MAP2: variants seen among roughly 807,000 people sequenced by gnomAD.
MAP2 encodes the protein microtubule associated protein 2.
MAP2 carries 14 observed loss-of-function variants against 137.6 expected under a neutral mutation model. The observed-to-expected ratio is 0.10, with a 90% confidence interval of 0.07 to 0.16. The LOEUF is 0.16. Among genes scored for constraint, MAP2 ranks in the 10% least tolerant of loss-of-function variants. The probability of loss-of-function intolerance (pLI) is 1.00; values close to 1 mark genes in which losing one functional copy is unlikely to be tolerated. For synonymous variants in MAP2, 786 were observed against 782.3 expected (o/e 1.00, Z -0.08); for missense variants, 2,088 against 2,191.5 (o/e 0.95, Z 0.94).
chr2:209,660,968 T>C (rs1319035749), intron 5 of MAP2, among the ~76,000 whole-genome samples: 1 of 149,536 alleles, frequency 6.7e-6, no homozygotes, highest in Non-Finnish European at 1.5e-5. Flanking sequence ...ATGGTCTTCA[T>C]ATCCTGACCT....
intron 5 of MAP2, among the ~76,000 whole-genome samples, chr2:209,677,910 G>A (rs2052686277): frequency 6.6e-6 from 1 of 151,826 alleles, no homozygotes; most frequent in South Asian, 2.1e-4. Context: ...CATCTTTCCA[G>A]ATTCCTTATA....
intron 1 of MAP2, among the ~76,000 whole-genome samples, chr2:209,436,176 G>A (rs1359727552): frequency 1.3e-5 from 2 of 150,804 alleles, no homozygotes; most frequent in African/African-American, 4.9e-5. Context: ...TCAGTTATAT[G>A]TGTGTATATG....
chr2:209,623,554 A>G (rs1205412113), intron 3 of MAP2, among the ~76,000 whole-genome samples: 3 of 152,196 alleles, frequency 2.0e-5, no homozygotes, highest in Non-Finnish European at 2.9e-5. Context: ...TGTTAAGTAC[A>G]CAAAGACTCT....
chr2:209,439,364 A>C (rs759273694), intron 1 of MAP2, among the ~76,000 whole-genome samples: 1 of 151,594 alleles, frequency 6.6e-6, no homozygotes. Flanking sequence ...TGTGTGTATA[A>C]ATGTGTACAT....
rs373437076 is a variant in MAP2, at chr2:209,492,747, C to T, written c.-221-14845C>T. Among the ~76,000 whole-genome samples, 7 of 152,150 alleles carry T rather than the reference C, an allele frequency of 4.6e-5. 1 individual carries two copies. In the South Asian group the frequency reaches 8.3e-4, roughly 18 times the overall value. ...AAGCTTACAAGGATGTGAAGGACCTCTTCAAGGAGAACTACAAACCACTGC... is the reference window on the plus strand; with the variant it reads ...AAGCTTACAAGGATGTGAAGGACCTTTTCAAGGAGAACTACAAACCACTGC... On this transcript the variant is annotated intron_variant, in intron 1 of 15. Transcript: ENST00000682079.
At chr2:209,513,829 A>G (rs965780758) in intron 2 of MAP2, among the ~76,000 whole-genome samples, 1 of 152,094 alleles carries the variant, frequency 6.6e-6, no homozygotes, top group African/African-American at 2.4e-5. Context: ...GAGGAGGGAT[A>G]GCAAGTTTGT....
At chr2:209,647,438 A>G (rs890233083) in intron 4 of MAP2, among the ~76,000 whole-genome samples, 3 of 152,224 alleles carry the variant, frequency 2.0e-5, no homozygotes, top group East Asian at 1.9e-4. Flanking sequence ...AGAATGTTAC[A>G]TGTGTTAAAA....
intron 1 of MAP2, among the ~76,000 whole-genome samples, chr2:209,492,022 T>G (rs908194805): frequency 2.0e-5 from 3 of 152,202 alleles, no homozygotes; most frequent in Admixed American, 2.0e-4. Flanking sequence ...ATATCCCTGA[T>G]GAACATCAAT....
chr2:209,546,194 G>T (rs1260550166), intron 2 of MAP2, among the ~76,000 whole-genome samples: 3 of 152,096 alleles, frequency 2.0e-5, no homozygotes, highest in Non-Finnish European at 4.4e-5. Flanking sequence ...GCAACTTTTT[G>T]TAATTTATGG....
At chr2:209,620,119 A>G (rs1267275778) in intron 3 of MAP2, among the ~76,000 whole-genome samples, 1 of 152,146 alleles carries the variant, frequency 6.6e-6, no homozygotes, top group East Asian at 1.9e-4. Flanking sequence ...AACAGGTTAT[A>G]ACCTTTATTG....
At chr2:209,478,911 TC>T in intron 1 of MAP2, among the ~76,000 whole-genome samples, 1 of 152,340 alleles carries the variant, frequency 6.6e-6, no homozygotes, top group East Asian at 1.9e-4. Flanking sequence ...TATAGATTCT[TC>T]CAGGGTTTGA....
rs578076157 is a variant in MAP2, at chr2:209,461,256, A to C, written c.-222+36980A>C. Among the ~76,000 whole-genome samples, 238 of 152,328 alleles carry C rather than the reference A, an allele frequency of 1.6e-3. 3 individuals are homozygous for C. In the South Asian group the frequency reaches 0.024, roughly 16 times the overall value. Reference sequence around the variant, plus strand: ...TGAACTACATGACTACTTACATTTGAGTTAAATAAATGTAATAAAATTTGA... The same window carrying C: ...TGAACTACATGACTACTTACATTTGCGTTAAATAAATGTAATAAAATTTGA... On this transcript the variant is annotated intron_variant, in intron 1 of 15. Transcript: ENST00000682079.
intron 1 of MAP2, among the ~76,000 whole-genome samples, chr2:209,504,123 T>A (rs2150153093): frequency 2.6e-5 from 4 of 150,954 alleles, no homozygotes; most frequent in Admixed American, 2.6e-4. Context: ...AGAGAGAGAC[T>A]AAGCAAGATT....
Position 209,730,379 on chromosome 2 carries a change from C to T in MAP2, c.5466C>T (p.Leu1822=), listed in dbSNP as rs565301126. The T allele has an allele frequency of 1.4e-5, 23 of 1,613,394 alleles. No individual in the cohort carries two copies. The highest frequency in any genetic ancestry group is 8.3e-5 in the Admixed American group (5 of 59,958). Residue 1822 remains leucine (L), a synonymous_variant, in exon 16 of 16, where the codon CTC becomes CTT. Coordinates refer to ENST00000682079, the MANE Select transcript of MAP2 (RefSeq NM_001375505.1). ...ATLAEDVTAA[L]AKQGL is the part of the protein sequence containing the mutation. ...TGGCTGAGGATGTCACTGCTGCACT[C>T]GCTAAGCAGGGCTTGTGAATATTTC...
chr2:209,488,119 G>A (rs567815019), intron 1 of MAP2, among the ~76,000 whole-genome samples: 23 of 152,290 alleles, frequency 1.5e-4, no homozygotes, highest in African/African-American at 3.4e-4. Context: ...GACAGTGGGC[G>A]CAGCCCATGG....
intron 3 of MAP2, among the ~76,000 whole-genome samples, chr2:209,595,962 G>A (rs939742635): frequency 1.3e-5 from 2 of 152,156 alleles, no homozygotes; most frequent in African/African-American, 4.8e-5. Flanking sequence ...TCATGGGGTA[G>A]GAGGCAGGGG....
rs958094317 is a variant in MAP2 at position 209,732,699 on chromosome 2, A to C, written c.*2302A>C. 6.6e-6 allele frequency: 1 copy of C among 152,656 alleles called. No homozygotes were observed. Among genetic ancestry groups the C allele is most frequent in the South Asian group, 2.1e-4 (1 of 4,836 alleles). The allele number at this position is 152,656 out of a possible 1,614,324, so 9.5% of individuals were successfully genotyped here. A position where few individuals can be genotyped will look rare whatever the true frequency, so the allele number is the denominator to read the frequency against. Reference sequence around the variant, plus strand: ...TTTCTCAACATTCTTTAAAGTTTTTATATAAGTTAACACTAGGTAAACATT... The same window carrying C: ...TTTCTCAACATTCTTTAAAGTTTTTCTATAAGTTAACACTAGGTAAACATT... On this transcript the variant is annotated 3_prime_UTR_variant, in exon 16 of 16. Coordinates refer to ENST00000682079, the MANE Select transcript of MAP2 (RefSeq NM_001375505.1).
intron 1 of MAP2, among the ~76,000 whole-genome samples, chr2:209,460,521 C>CTTCCCT (rs763363938): frequency 1.3e-5 from 2 of 151,820 alleles, no homozygotes; most frequent in Non-Finnish European, 2.9e-5. Context: ...GAGAAATGAT[C>CTTCCCT]TTCCCTTTCC....
chr2:209,599,080 C>G (rs890361873), intron 3 of MAP2, among the ~76,000 whole-genome samples: 1 of 152,064 alleles, frequency 6.6e-6, no homozygotes, highest in African/African-American at 2.4e-5. Flanking sequence ...TCAAAGTGTT[C>G]CTATTTCTCC....
Sources: gnomAD v4.1 joint callset for allele counts (sites outside exome capture counted in the v4.1 genomes callset) on GRCh38, gnomAD v4.1.1 for gene constraint, MANE v1.5 for transcripts, NCBI Gene and HGNC (gene_info 2026-07-23, HGNC 2026-07-21) for gene names.